The following SLC45A3 variants were observed in gnomAD, a reference collection of about 807,000 sequenced individuals.
The protein encoded by SLC45A3 is solute carrier family 45 member 3, also known as prostate cancer associated protein 2.
A neutral mutation model predicts 35.3 loss-of-function variants in SLC45A3; 17 were observed. That is an observed-to-expected ratio of 0.48 (90% CI 0.33 to 0.72). The LOEUF is 0.72. Ranked by LOEUF, SLC45A3 falls within the 30% of genes least tolerant of loss-of-function variation. The probability of loss-of-function intolerance (pLI) is 0.02; values close to 1 mark genes in which losing one functional copy is unlikely to be tolerated. For synonymous variants in SLC45A3, 288 were observed against 334.3 expected, an observed-to-expected ratio of 0.86 and a Z score of 1.51; for missense variants, 597 against 731.7, an observed-to-expected ratio of 0.82 and a Z score of 2.12.
chr1:205,670,583 G>A (rs1380920780), intron 1 of SLC45A3, among the ~76,000 whole-genome samples: 1 of 152,204 alleles, frequency 6.6e-6, no homozygotes, highest in Admixed American at 6.5e-5. Context: ...GCCTCCCCCA[G>A]GGCCTGGAGG....
chr1:205,663,397 G>A lies in SLC45A3; in HGVS notation c.394C>T (p.Leu132=), dbSNP rs376727859. ...AAGCACACCTGGCCACAGAAGTCCA[G>A]CAGCCCCACGCCCAGGATGAGCAGT... ...LALLILGVGL[L]DFCGQVCFTP... Residue 132 remains leucine (L), a synonymous_variant, in exon 3 of 5, where the codon CTG becomes TTG. Coordinates refer to ENST00000367145, the MANE Select transcript of SLC45A3 (RefSeq NM_033102.3). 1.2e-6 allele frequency: 2 copies of A among 1,613,292 alleles called. No homozygotes were observed. The highest frequency in any genetic ancestry group is 1.3e-5 in the African/African-American group (1 of 75,054).
rs1238342959 is a variant in SLC45A3, at chr1:205,669,605, C to T, written c.-230-4719G>A. On this transcript the variant is annotated intron_variant, in intron 1 of 4. Transcript: ENST00000367145. This position sits in a 1 kb window ranked among gnomAD's most constrained non-coding sequence, Gnocchi z 4.1. Reference sequence around the variant, plus strand: ...TCTAAGGCTTCTTTATGCAGGCCAGCGTCAAACCCCACCCAGGCACATCAA... The same window carrying T: ...TCTAAGGCTTCTTTATGCAGGCCAGTGTCAAACCCCACCCAGGCACATCAA... 2.0e-5 allele frequency among the ~76,000 whole-genome samples: 3 copies of T among 152,146 alleles called. No homozygotes were observed. The highest frequency in any genetic ancestry group is 2.9e-5 in the Non-Finnish European group (2 of 68,020).
Position 205,672,012 on chromosome 1 carries a change from C to T in SLC45A3, c.-230-7126G>A, listed in dbSNP as rs558322630. 2.6e-5 allele frequency among the ~76,000 whole-genome samples: 4 copies of T among 152,286 alleles called. No individual in the cohort carries two copies. The South Asian group carries it at 8.3e-4, about 32-fold the overall frequency. Reference sequence around the variant, plus strand: ...CGATGAGGTGGGTACAATTAGTATACCCATTTTACAGGCACAGAAACTTAG... The same window carrying T: ...CGATGAGGTGGGTACAATTAGTATATCCATTTTACAGGCACAGAAACTTAG... On this transcript the variant is annotated intron_variant, in intron 1 of 4. Coordinates refer to ENST00000367145, the MANE Select transcript of SLC45A3 (RefSeq NM_033102.3).
rs775123413 is a variant in SLC45A3, at chr1:205,664,676, G to C, written c.-20C>G. ...GACCATAGTGGGCCAGGCGGGTAGGGCTCAGGGGGCCGTTCAGGCACTCCA... is the reference window on the plus strand; with the variant it reads ...GACCATAGTGGGCCAGGCGGGTAGGCCTCAGGGGGCCGTTCAGGCACTCCA... On this transcript the variant is annotated 5_prime_UTR_variant, in exon 2 of 5. Transcript: ENST00000367145. This position sits in a 1 kb window ranked among gnomAD's most constrained non-coding sequence, Gnocchi z 5.3. The C allele has an allele frequency of 1.2e-6, 2 of 1,612,498 alleles. No individual in the cohort carries two copies. The highest frequency in any genetic ancestry group is 8.5e-7 in the Non-Finnish European group (1 of 1,179,310).
Position 205,664,518 on chromosome 1 carries a change from C to T in SLC45A3, c.139G>A (p.Gly47Arg). ...TYVPPLLLEV[G>R]VEEKFMTMVL... Reference sequence around the variant, plus strand: ...ATGGTCATGAACTTCTCCTCTACCCCCACTTCCAGCAGCAGAGGCGGCACA... The same window carrying T: ...ATGGTCATGAACTTCTCCTCTACCCTCACTTCCAGCAGCAGAGGCGGCACA... Residue 47 changes from glycine (G) to arginine (R), a missense_variant, in exon 2 of 5, where the codon GGG (glycine) becomes AGG (arginine). Physicochemically the swap from Gly to Arg is moderately radical, Grantham distance 125 (BLOSUM62 -2). Around this residue, in one of 3 missense-constraint regions of SLC45A3, gnomAD observed 5 missense variants for 25.6 expected, o/e 0.20. Transcript: ENST00000367145. The surrounding 1 kb of genome is among the most constrained non-coding windows in gnomAD (Gnocchi z 5.3). 2 of 1,614,200 alleles carry T rather than the reference C, an allele frequency of 1.2e-6. No homozygotes were observed. Among genetic ancestry groups the T allele is most frequent in the East Asian group, 4.5e-5 (2 of 44,872 alleles).
Position 205,663,368 on chromosome 1 carries a change from A to G in SLC45A3, c.423T>C (p.Thr141=), listed in dbSNP as rs535560877. ...LLDFCGQVCF[T]PLEALLSDLF... is the part of the protein sequence containing the mutation. ...GGTCAGAGAGCAGGGCCTCCAGTGG[A>G]GTGAAGCACACCTGGCCACAGAAGT... The change falls in exon 3 of 5, where the codon ACT becomes ACC. Residue 141 remains threonine (T), a synonymous_variant. Transcript: ENST00000367145. The G allele has an allele frequency of 1.4e-5, 23 of 1,613,386 alleles. No individual in the cohort carries two copies. In the South Asian group the frequency reaches 2.5e-4, roughly 18 times the overall value.
In SLC45A3 at chr1:205,666,582, G is replaced by A. The variant is rs913681180; in HGVS notation, c.-230-1696C>T. Among the ~76,000 whole-genome samples, 5 of 152,220 alleles carry A rather than the reference G, an allele frequency of 3.3e-5. No individual in the cohort carries two copies. The highest frequency in any genetic ancestry group is 4.8e-5 in the African/African-American group (2 of 41,456). On this transcript the variant is annotated intron_variant, in intron 1 of 4. Coordinates refer to ENST00000367145, the MANE Select transcript of SLC45A3 (RefSeq NM_033102.3). This position sits in a 1 kb window ranked among gnomAD's most constrained non-coding sequence, Gnocchi z 4.1. ...ACCACCTTCAGGGGCTTTGCAGCTG[G>A]CAGATCATGAAGGAAGGGAATTGAG...
intron 1 of SLC45A3, among the ~76,000 whole-genome samples, chr1:205,675,040 T>C (rs989520444): frequency 6.6e-6 from 1 of 152,078 alleles, no homozygotes; most frequent in Admixed American, 6.5e-5. Flanking sequence ...TATGCTTAGG[T>C]TTGAGGAAGC....
Position 205,664,126 on chromosome 1 carries a change from A to AAT in SLC45A3, c.172+358_172+359insAT. 6.6e-6 allele frequency among the ~76,000 whole-genome samples: 1 copy of AAT among 152,234 alleles called. No homozygotes were observed. The highest frequency in any genetic ancestry group is 1.9e-4 in the East Asian group (1 of 5,172). On this transcript the variant is annotated intron_variant, in intron 2 of 4. Coordinates refer to ENST00000367145, the MANE Select transcript of SLC45A3 (RefSeq NM_033102.3). This position sits in a 1 kb window ranked among gnomAD's most constrained non-coding sequence, Gnocchi z 5.3. ...GGCTAAGACTTACCTAACCTCTTAA[A>AAT]AGCCTCTGCTTCCTTCTCTGTAAAA...
rs1318525319 is a variant in SLC45A3 at position 205,658,155 on chromosome 1, T to C, written c.*1079A>G. The C allele has an allele frequency of 1.5e-5, 3 of 205,110 alleles. No individual in the cohort carries two copies. Among genetic ancestry groups the C allele is most frequent in the South Asian group, 2.0e-4 (1 of 4,946 alleles). 12.7% of individuals were successfully genotyped at this position (205,110 alleles called of 1,614,324 possible). A position where few individuals can be genotyped will look rare whatever the true frequency, so the allele number is the denominator to read the frequency against. ...AGGGTTGTGGAGCTGGTGGGGAAAGTTGGGGGTAGGGGAAAGTTGGGGGTA... is the reference window on the plus strand; with the variant it reads ...AGGGTTGTGGAGCTGGTGGGGAAAGCTGGGGGTAGGGGAAAGTTGGGGGTA... On this transcript the variant is annotated 3_prime_UTR_variant, in exon 5 of 5. Transcript: ENST00000367145.
chr1:205,659,028 C>T lies in SLC45A3; in HGVS notation c.*206G>A. On this transcript the variant is annotated 3_prime_UTR_variant, in exon 5 of 5. Coordinates refer to ENST00000367145, the MANE Select transcript of SLC45A3 (RefSeq NM_033102.3). This position sits in a 1 kb window ranked among gnomAD's most constrained non-coding sequence, Gnocchi z 5.8. The stretch of plus-strand genomic sequence containing the variant: ...TTGGAAGGCCTCCAGTCAGGCAGCC[C>T]TAGAGACTGGGGAGAGAGGAGAGGG... 1.7e-6 allele frequency: 1 copy of T among 596,758 alleles called. No individual in the cohort carries two copies. Among genetic ancestry groups the T allele is most frequent in the Non-Finnish European group, 2.9e-6 (1 of 341,234 alleles). The allele number at this position is 596,758 out of a possible 1,614,324, so 37.0% of individuals were successfully genotyped here. A position where few individuals can be genotyped will look rare whatever the true frequency, so the allele number is the denominator to read the frequency against.
rs946462117 is a variant in SLC45A3, at chr1:205,666,593, AG to A, written c.-230-1708del. ...GGGCTTTGCAGCTGGCAGATCATGA[AG>A]GAAGGGAATTGAGATAAGGCTGGGC... On this transcript the variant is annotated intron_variant, in intron 1 of 4. Coordinates refer to ENST00000367145, the MANE Select transcript of SLC45A3 (RefSeq NM_033102.3). The surrounding 1 kb of genome is among the most constrained non-coding windows in gnomAD (Gnocchi z 4.1). Among the ~76,000 whole-genome samples the A allele has an allele frequency of 6.6e-6, 1 of 152,232 alleles. No individual in the cohort carries two copies. The highest frequency in any genetic ancestry group is 2.4e-5 in the African/African-American group (1 of 41,462).
In SLC45A3 at chr1:205,658,645, G is replaced by A. The variant is rs1490305146; in HGVS notation, c.*589C>T. The A allele has an allele frequency of 4.3e-6, 1 of 233,194 alleles. No individual in the cohort carries two copies. Among genetic ancestry groups the A allele is most frequent in the Non-Finnish European group, 8.5e-6 (1 of 117,754 alleles). 14.4% of individuals were successfully genotyped at this position (233,194 alleles called of 1,614,324 possible). ...GGCCACATCCTGATAAAAGGTAAGA[G>A]GGGGGTGGATCAGCAAAAAGACAGT... On this transcript the variant is annotated 3_prime_UTR_variant, in exon 5 of 5. Coordinates refer to ENST00000367145, the MANE Select transcript of SLC45A3 (RefSeq NM_033102.3).
At chr1:205,671,360 G>A (rs1417856252) in intron 1 of SLC45A3, among the ~76,000 whole-genome samples, 4 of 152,204 alleles carry the variant, frequency 2.6e-5, no homozygotes, top group Non-Finnish European at 5.9e-5. Context: ...ACCAGGACCA[G>A]CAGTGCTCTT....
At position 205,658,972 on chromosome 1, in the gene SLC45A3, C is replaced by A; in HGVS notation, c.*262G>T. The stretch of plus-strand genomic sequence containing the variant: ...ATTCCAGTGCATGGAGCCCTTCTGG[C>A]CTCCCTGTATAAGTCCAGACTGAAA... On this transcript the variant is annotated 3_prime_UTR_variant, in exon 5 of 5. Coordinates refer to ENST00000367145, the MANE Select transcript of SLC45A3 (RefSeq NM_033102.3). The A allele has an allele frequency of 2.1e-6, 1 of 478,660 alleles. No individual in the cohort carries two copies. The highest frequency in any genetic ancestry group is 2.9e-5 in the South Asian group (1 of 34,158). 29.7% of individuals were successfully genotyped at this position (478,660 alleles called of 1,614,324 possible). A position where few individuals can be genotyped will look rare whatever the true frequency, so the allele number is the denominator to read the frequency against.
chr1:205,675,471 A>T (rs971358697), intron 1 of SLC45A3, among the ~76,000 whole-genome samples: 1 of 152,156 alleles, frequency 6.6e-6, no homozygotes, highest in South Asian at 2.1e-4. Context: ...TCTGAGCCCC[A>T]ACAGCAGAAA....
chr1:205,659,726 G>C lies in SLC45A3; in HGVS notation c.1225-55C>G. ...GAGGACAGGTGTGTACCCAGCACTG[G>C]CACCACCCCAGCTGTGAGAACAGAC... On this transcript the variant is annotated intron_variant, in intron 4 of 4. Transcript: ENST00000367145. This position sits in a 1 kb window ranked among gnomAD's most constrained non-coding sequence, Gnocchi z 5.8. 6.8e-7 allele frequency: 1 copy of C among 1,470,850 alleles called. No individual in the cohort carries two copies. The highest frequency in any genetic ancestry group is 9.1e-7 in the Non-Finnish European group (1 of 1,101,612). The allele number at this position is 1,470,850 out of a possible 1,614,324, so 91.1% of individuals were successfully genotyped here. A position where few individuals can be genotyped will look rare whatever the true frequency, so the allele number is the denominator to read the frequency against.
chr1:205,663,108 G>A lies in SLC45A3; in HGVS notation c.683C>T (p.Pro228Leu). Reference sequence around the variant, plus strand: ...GGAGGGGGCCGACAGCCCTTCTGCTGGCTCGGTGGGGCCCAGCGCTGCCTC... The same window carrying A: ...GGAGGGGGCCGACAGCCCTTCTGCTAGCTCGGTGGGGCCCAGCGCTGCCTC... ...AEEAALGPTE[P>L]AEGLSAPSLS... The change falls in exon 3 of 5, where the codon CCA becomes CTA. Residue 228 changes from proline (P) to leucine (L), a missense_variant. Pro to Leu is a moderately conservative substitution (Grantham distance 98). Coordinates refer to ENST00000367145, the MANE Select transcript of SLC45A3 (RefSeq NM_033102.3). 1 of 1,580,280 alleles carries A rather than the reference G, an allele frequency of 6.3e-7. No individual in the cohort carries two copies. The highest frequency in any genetic ancestry group is 1.3e-5 in the African/African-American group (1 of 74,696).
At chr1:205,672,973 T>C (rs1356475686) in intron 1 of SLC45A3, among the ~76,000 whole-genome samples, 1 of 152,120 alleles carries the variant, frequency 6.6e-6, no homozygotes, top group African/African-American at 2.4e-5. Context: ...GAATATAAAA[T>C]CCCTACTTTG....
Sources: gnomAD v4.1 joint callset for allele counts (sites outside exome capture counted in the v4.1 genomes callset) on GRCh38, gnomAD v4.1.1 for gene constraint, gnomAD v4.1.1 regional missense constraint, Gnocchi (gnomAD v3.1) non-coding constraint, MANE v1.5 for transcripts, NCBI Gene and HGNC (gene_info 2026-07-23, HGNC 2026-07-21) for gene names.